Variants in WIF1 observed in about 807,000 individuals in gnomAD.
WIF1 encodes the protein Wnt inhibitory factor 1.
A neutral mutation model predicts 53.5 loss-of-function variants in WIF1; 35 were observed. The ratio of observed to expected loss-of-function variants is 0.65; its 90% CI spans 0.50 to 0.87. The LOEUF (loss-of-function observed/expected upper bound fraction) is 0.87. Ranked by LOEUF, WIF1 falls within the 40% of genes least tolerant of loss-of-function variation. The probability of loss-of-function intolerance (pLI) is 0.00; values close to 1 mark genes in which losing one functional copy is unlikely to be tolerated. For missense variants in WIF1, 467 were observed against 476.8 expected (o/e 0.98, Z 0.19); for synonymous variants, 171 against 170.4 (o/e 1.00, Z -0.03).
intron 3 of WIF1, among the ~76,000 whole-genome samples, chr12:65,070,267 T>C (rs1882753257): frequency 6.6e-6 from 1 of 152,128 alleles, no homozygotes; most frequent in South Asian, 2.1e-4. Flanking sequence ...CCCCTGAAAC[T>C]TGAGATTTTA....
intron 1 of WIF1, 72 bp downstream of exon 1, chr12:65,120,972 G>A: frequency 7.4e-7 from 1 of 1,356,488 alleles, no homozygotes; most frequent in Non-Finnish European, 9.6e-7. Context: ...AGAAACGCAG[G>A]TATCCCTCTT....
intron 2 of WIF1, among the ~76,000 whole-genome samples, chr12:65,081,787 T>TA: frequency 6.6e-6 from 1 of 152,116 alleles, no homozygotes; most frequent in South Asian, 2.1e-4. Context: ...TACATTTCTT[T>TA]AAAAAAGATT....
chr12:65,109,925 G>A (rs1883405072), intron 2 of WIF1, among the ~76,000 whole-genome samples: 2 of 152,194 alleles, frequency 1.3e-5, no homozygotes, highest in Non-Finnish European at 2.9e-5. Context: ...TACACAAAGA[G>A]TATTTGGAGG....
chr12:65,058,605 C>T (rs1031702384), intron 7 of WIF1, among the ~76,000 whole-genome samples: 1 of 152,156 alleles, frequency 6.6e-6, no homozygotes, highest in Non-Finnish European at 1.5e-5. Context: ...AGCCAAAATT[C>T]ATGAAGATCT....
intron 4 of WIF1, among the ~76,000 whole-genome samples, chr12:65,068,503 A>G (rs1882721816): frequency 6.6e-6 from 1 of 152,120 alleles, no homozygotes; most frequent in East Asian, 1.9e-4. Flanking sequence ...AGGGAGGAAG[A>G]AAAGGTGTTT....
rs368797312 is a variant in WIF1, at chr12:65,060,928, A to G, written c.826+1553T>C. Among the ~76,000 whole-genome samples the G allele has an allele frequency of 3.9e-5, 6 of 152,186 alleles. No individual in the cohort carries two copies. The East Asian group carries it at 1.2e-3, about 29-fold the overall frequency. On this transcript the variant is annotated intron_variant, in intron 7 of 9. Transcript: ENST00000286574. The stretch of plus-strand genomic sequence containing the variant: ...TGGTAAAACAAAAAACCAAGAATAC[A>G]AAACATTGTCTCTGCCAACAGAAGA...
intron 2 of WIF1, among the ~76,000 whole-genome samples, chr12:65,092,612 G>A (rs1465229737): frequency 2.0e-5 from 3 of 151,892 alleles, no homozygotes; most frequent in African/African-American, 4.8e-5. Flanking sequence ...TAAAGTGAGA[G>A]AGCAAGCTAT....
rs760363590 is a variant in WIF1, at chr12:65,050,740, AG to A, written c.*608del. The A allele has an allele frequency of 1.3e-4, 25 of 188,932 alleles. No homozygotes were observed. The highest frequency in any genetic ancestry group is 2.2e-4 in the Non-Finnish European group (20 of 89,654). 11.7% of individuals were successfully genotyped at this position (188,932 alleles called of 1,614,324 possible). ...TATATTGCTTCAAGCCAATGCAAAAAGTTCATACATTATATTCCCTATTTCA... is the reference window on the plus strand; with the variant it reads ...TATATTGCTTCAAGCCAATGCAAAAATTCATACATTATATTCCCTATTTCA... On this transcript the variant is annotated 3_prime_UTR_variant, in exon 10 of 10. Transcript: ENST00000286574.
intron 6 of WIF1, among the ~76,000 whole-genome samples, chr12:65,065,386 C>G (rs1322831168): frequency 6.6e-6 from 1 of 152,074 alleles, no homozygotes; most frequent in Non-Finnish European, 1.5e-5. Flanking sequence ...TTTGGGTCAA[C>G]CTACTCAAGT....
chr12:65,117,426 T>G (rs906066909), intron 2 of WIF1, among the ~76,000 whole-genome samples: 7 of 152,298 alleles, frequency 4.6e-5, no homozygotes. Flanking sequence ...TTGTTTGAAG[T>G]GGAACACGAG....
intron 9 of WIF1, among the ~76,000 whole-genome samples, chr12:65,053,572 A>T (rs1882476577): frequency 6.6e-6 from 1 of 152,070 alleles, no homozygotes. Flanking sequence ...TTCTGCCACG[A>T]TTGTAAGTTT....
intron 2 of WIF1, among the ~76,000 whole-genome samples, chr12:65,109,508 A>C (rs1036092742): frequency 2.6e-5 from 4 of 152,156 alleles, no homozygotes; most frequent in Admixed American, 2.6e-4. Flanking sequence ...TACCACAGTT[A>C]TTATGATTGC....
intron 2 of WIF1, among the ~76,000 whole-genome samples, chr12:65,099,501 C>T (rs953429541): frequency 6.6e-6 from 1 of 152,168 alleles, no homozygotes; most frequent in Non-Finnish European, 1.5e-5. Context: ...TCCCCTTCTC[C>T]CCAACCCGCC....
At chr12:65,075,321 GAT>G (rs761510346) in intron 3 of WIF1, among the ~76,000 whole-genome samples, 1 of 152,172 alleles carries the variant, frequency 6.6e-6, no homozygotes, top group Non-Finnish European at 1.5e-5. Context: ...AAAAGTATCT[GAT>G]CTCCTGATTA....
At chr12:65,098,491 A>G (rs1883236480) in intron 2 of WIF1, among the ~76,000 whole-genome samples, 1 of 152,130 alleles carries the variant, frequency 6.6e-6, no homozygotes, top group South Asian at 2.1e-4. Context: ...GCTTTCCATG[A>G]TATCATATGG....
intron 3 of WIF1, among the ~76,000 whole-genome samples, chr12:65,070,772 T>A (rs934992509): frequency 8.5e-5 from 13 of 152,178 alleles, no homozygotes; most frequent in African/African-American, 3.1e-4. Context: ...GCTTCCAGAA[T>A]CTTGGTATGG....
At chr12:65,076,299 A>G (rs779829516) in intron 3 of WIF1, among the ~76,000 whole-genome samples, 15 of 151,744 alleles carry the variant, frequency 9.9e-5, no homozygotes, top group Admixed American at 1.3e-4. Flanking sequence ...GGCCCCCCAA[A>G]ATGTAGAGAT....
intron 2 of WIF1, among the ~76,000 whole-genome samples, chr12:65,082,882 A>C (rs1190356115): frequency 6.6e-6 from 1 of 152,178 alleles, no homozygotes; most frequent in African/African-American, 2.4e-5. Context: ...GTTAAGAATC[A>C]AAGATCTTTC....
rs201657457 is a variant in WIF1, at chr12:65,101,101, AATG to A, written c.288+19313_288+19315del. Among the ~76,000 whole-genome samples, 1,317 of 152,272 alleles carry A rather than the reference AATG, an allele frequency of 8.6e-3. 23 individuals carry two copies. Among genetic ancestry groups the A allele is most frequent in the African/African-American group, 0.029 (1,221 of 41,546 alleles). ...GTGCTAATTTATGATGGAAAAATGT[AATG>A]AACTTAAAACTCAGTCAGGATTCAT... On this transcript the variant is annotated intron_variant, in intron 2 of 9. Transcript: ENST00000286574.
Sources: gnomAD v4.1 joint callset for allele counts (sites outside exome capture counted in the v4.1 genomes callset) on GRCh38, gnomAD v4.1.1 for gene constraint, MANE v1.5 for transcripts, NCBI Gene and HGNC (gene_info 2026-07-23, HGNC 2026-07-21) for gene names.